HS6ST2: variants seen among roughly 807,000 people sequenced by gnomAD.
The protein encoded by HS6ST2 is heparan sulfate 6-O-sulfotransferase 2.
In HS6ST2, 17 loss-of-function variants were observed where a neutral mutation model predicts 33.0. The observed-to-expected ratio is 0.52, with a 90% CI of 0.35 to 0.77. HS6ST2 has a LOEUF of 0.77. Among genes scored for constraint, HS6ST2 ranks in the 30% least tolerant of loss-of-function variants. HS6ST2 has a pLI of 0.01. For synonymous variants in HS6ST2, 248 were observed against 237.1 expected (o/e 1.05, Z -0.42); for missense variants, 519 against 551.7 (o/e 0.94, Z 0.59).
At chrX:132,900,471 T>C (rs2066416836) in intron 2 of HS6ST2, among the ~76,000 whole-genome samples, 1 of 111,255 alleles carries the variant, frequency 9.0e-6, no homozygotes, top group African/African-American at 3.3e-5. Context: ...ATCCTAGCAC[T>C]TTTGGAGGCT....
At chrX:132,890,145 C>T (rs1043990286) in intron 2 of HS6ST2, among the ~76,000 whole-genome samples, 3 of 110,981 alleles carry the variant, frequency 2.7e-5, no homozygotes, top group Admixed American at 1.9e-4. Flanking sequence ...TGGCTGTGTG[C>T]TTGACATAGA....
At chrX:132,938,260 G>GA (rs1556504267) in intron 2 of HS6ST2, among the ~76,000 whole-genome samples, 1 of 105,061 alleles carries the variant, frequency 9.5e-6, no homozygotes. Context: ...TCCATTCATT[G>GA]TTTTTTTTTT....
chrX:132,872,642 G>A, intron 2 of HS6ST2, among the ~76,000 whole-genome samples: 1 of 111,713 alleles, frequency 9.0e-6, no homozygotes, highest in East Asian at 2.8e-4. Context: ...TGTAAGGCTT[G>A]CTTATTATTT....
chrX:132,897,440 T>C (rs753072457), intron 2 of HS6ST2, among the ~76,000 whole-genome samples: 15 of 111,418 alleles, frequency 1.3e-4, no homozygotes, highest in African/African-American at 4.6e-4. Context: ...CTAATCTGTA[T>C]AGCCTTTAAG....
chrX:132,804,400 C>T (rs2065261302), intron 2 of HS6ST2, among the ~76,000 whole-genome samples: 1 of 112,262 alleles, frequency 8.9e-6, no homozygotes, highest in South Asian at 3.7e-4. Context: ...CAGTGCTCTT[C>T]TTGGCCTCAT....
intron 2 of HS6ST2, among the ~76,000 whole-genome samples, chrX:132,802,832 G>A (rs1237901618): frequency 9.2e-6 from 1 of 108,906 alleles, no homozygotes; most frequent in Non-Finnish European, 1.9e-5. Flanking sequence ...AAGAAAGCCT[G>A]GTGAAGGAGA....
At chrX:132,802,683 T>C (rs1296120098) in intron 2 of HS6ST2, among the ~76,000 whole-genome samples, 1 of 110,317 alleles carries the variant, frequency 9.1e-6, no homozygotes, top group African/African-American at 3.3e-5. Context: ...GCACCAGGAA[T>C]GCACCTTCAC....
rs187724091 is a variant in HS6ST2, at chrX:132,927,886, A to C, written c.947+28922T>G. On this transcript the variant is annotated intron_variant, in intron 2 of 4. Coordinates refer to ENST00000370833, the MANE Select transcript of HS6ST2 (RefSeq NM_001394073.1). ...AAAAAAAAAAAAAAGAAAAGAAAAG[A>C]AAAAAGAAAAAGAGAAAGAAATGCC... 6.9e-3 allele frequency among the ~76,000 whole-genome samples: 756 copies of C among 110,014 alleles called. 4 individuals are homozygous for C. The highest frequency in any genetic ancestry group is 0.024 in the African/African-American group (730 of 30,350).
intron 2 of HS6ST2, among the ~76,000 whole-genome samples, chrX:132,856,740 A>G (rs2065855512): frequency 8.9e-6 from 1 of 112,244 alleles, no homozygotes; most frequent in African/African-American, 3.2e-5. Context: ...TGGGGAACTC[A>G]TTAAAAAAGA....
intron 2 of HS6ST2, among the ~76,000 whole-genome samples, chrX:132,710,350 T>C (rs1329443492): frequency 1.8e-5 from 2 of 112,188 alleles, no homozygotes; most frequent in African/African-American, 6.5e-5. Context: ...TTTGGGAAGG[T>C]TGTTTAATGA....
chrX:132,905,156 A>G (rs2066459984), intron 2 of HS6ST2, among the ~76,000 whole-genome samples: 1 of 111,738 alleles, frequency 8.9e-6, no homozygotes, highest in African/African-American at 3.3e-5. Flanking sequence ...TTTTGCAAAT[A>G]TCTTCTTCCA....
chrX:132,829,763 A>G (rs144346774), intron 2 of HS6ST2, among the ~76,000 whole-genome samples: 4,910 of 111,695 alleles, frequency 0.044, 120 homozygotes, highest in Middle Eastern at 0.078. Context: ...GTGATGGTGA[A>G]ACAAATCACT....
At chrX:132,791,024 G>A (rs2065116200) in intron 2 of HS6ST2, among the ~76,000 whole-genome samples, 1 of 109,980 alleles carries the variant, frequency 9.1e-6, no homozygotes, top group African/African-American at 3.3e-5. Flanking sequence ...GCATGTGCTT[G>A]TAGTCCCGGC....
At chrX:132,947,877 C>G (rs1160512001) in intron 2 of HS6ST2, among the ~76,000 whole-genome samples, 1 of 111,472 alleles carries the variant, frequency 9.0e-6, no homozygotes, top group Non-Finnish European at 1.9e-5. Context: ...TGCATTGACT[C>G]TCCTGTAGTA....
At chrX:132,863,534 G>A (rs2065934351) in intron 2 of HS6ST2, among the ~76,000 whole-genome samples, 1 of 105,702 alleles carries the variant, frequency 9.5e-6, no homozygotes, top group South Asian at 4.5e-4. Flanking sequence ...GTGTTGCCCA[G>A]GCTGGTCTCA....
chrX:132,820,084 A>G (rs770850903), intron 2 of HS6ST2, among the ~76,000 whole-genome samples: 1 of 112,068 alleles, frequency 8.9e-6, no homozygotes, highest in African/African-American at 3.2e-5. Flanking sequence ...GTAAGGCAGC[A>G]AGGGTGGCTC....
chrX:132,837,317 G>A (rs2065653855), intron 2 of HS6ST2, among the ~76,000 whole-genome samples: 1 of 98,618 alleles, frequency 1.0e-5, no homozygotes, highest in Non-Finnish European at 2.0e-5. Context: ...TGATTGTCCA[G>A]GAAAACAGTA....
At chrX:132,858,351 A>G (rs1357938119) in intron 2 of HS6ST2, among the ~76,000 whole-genome samples, 1 of 112,438 alleles carries the variant, frequency 8.9e-6, no homozygotes, top group African/African-American at 3.2e-5. Flanking sequence ...ACTAAATGCC[A>G]GTAAAGCCTC....
At chrX:132,858,404 G>GA (rs1231511126) in intron 2 of HS6ST2, among the ~76,000 whole-genome samples, 2 of 112,221 alleles carry the variant, frequency 1.8e-5, no homozygotes, top group Admixed American at 1.9e-4. Flanking sequence ...TGATATTGAT[G>GA]AAAAAATTCT....
Sources: allele counts gnomAD v4.1 joint callset (sites outside exome capture counted in the v4.1 genomes callset), GRCh38; gene constraint gnomAD v4.1.1; transcripts MANE v1.5; gene names NCBI Gene and HGNC (gene_info 2026-07-23, HGNC 2026-07-21).